TOX: variants seen among roughly 807,000 people sequenced by gnomAD.
TOX encodes the protein thymocyte selection associated high mobility group box, also known as thymocyte selection-associated high mobility group box protein TOX.
Under a neutral mutation model 53.7 loss-of-function variants are expected in TOX, and 11 were observed. The ratio of observed to expected loss-of-function variants is 0.20; its 90% CI spans 0.13 to 0.34. The LOEUF (loss-of-function observed/expected upper bound fraction) is 0.34. Ranked by LOEUF, TOX falls within the 10% of genes least tolerant of loss-of-function variation. The probability of loss-of-function intolerance (pLI) is 1.00; values close to 1 mark genes in which losing one functional copy is unlikely to be tolerated. For synonymous variants in TOX, 225 were observed against 245.3 expected (o/e 0.92, Z 0.77); for missense variants, 570 against 664.6 (o/e 0.86, Z 1.56).
intron 6 of TOX, among the ~76,000 whole-genome samples, chr8:58,822,167 A>G (rs1810292391): frequency 6.6e-6 from 1 of 152,260 alleles, no homozygotes; most frequent in Admixed American, 6.5e-5. Flanking sequence ...AATTAATCTA[A>G]TTTGAAATGG....
chr8:58,814,180 T>C (rs901478526), intron 7 of TOX, among the ~76,000 whole-genome samples: 3 of 152,184 alleles, frequency 2.0e-5, no homozygotes, highest in Admixed American at 6.5e-5. Flanking sequence ...TTGGGGACTA[T>C]GTATATTTGA....
intron 3 of TOX, among the ~76,000 whole-genome samples, chr8:58,890,387 A>G (rs557096391): frequency 1.3e-5 from 2 of 152,320 alleles, no homozygotes; most frequent in South Asian, 4.1e-4. Context: ...AAGGGTCAGT[A>G]GAATGTTAGA....
At chr8:58,998,521 A>AAATTTAT (rs1563413390) in intron 1 of TOX, among the ~76,000 whole-genome samples, 3 of 109,826 alleles carry the variant, frequency 2.7e-5, no homozygotes, top group Non-Finnish European at 3.7e-5. Context: ...ATATATATAT[A>AAATTTAT]TATATATATA....
At chr8:58,984,113 T>C (rs1361612318) in intron 1 of TOX, among the ~76,000 whole-genome samples, 6 of 152,212 alleles carry the variant, frequency 3.9e-5, no homozygotes, top group Non-Finnish European at 1.5e-5. Flanking sequence ...TTGGCAATGA[T>C]TTCTCTGGTG....
chr8:58,953,394 A>T (rs2129177828), intron 2 of TOX, among the ~76,000 whole-genome samples: 1 of 152,344 alleles, frequency 6.6e-6, no homozygotes, highest in Admixed American at 6.5e-5. Context: ...AGAAAACAAC[A>T]TAAACAATAG....
chr8:58,815,524 G>A lies in TOX; in HGVS notation c.1206C>T (p.Asn402=), dbSNP rs765941361. The A allele has an allele frequency of 2.5e-6, 4 of 1,614,096 alleles. No individual in the cohort carries two copies. Among genetic ancestry groups the A allele is most frequent in the South Asian group, 1.1e-5 (1 of 91,068 alleles). Residue 402 remains asparagine (N), a synonymous_variant, in exon 7 of 9, where the codon AAC becomes AAT. Coordinates refer to ENST00000361421, the MANE Select transcript of TOX (RefSeq NM_014729.3). ...CTATAGAGACAGTCACTGGCATTTG[G>A]TTATTCGGCTTGGGGGCTATGTTCC... ...LPRNIAPKPN[N]QMPVTVSIAN...
intron 1 of TOX, among the ~76,000 whole-genome samples, chr8:58,963,694 C>T (rs923081127): frequency 6.6e-6 from 1 of 152,120 alleles, no homozygotes; most frequent in African/African-American, 2.4e-5. Context: ...AGACTCCTCA[C>T]CTCTCCTTAG....
intron 1 of TOX, among the ~76,000 whole-genome samples, chr8:59,072,106 A>G (rs2008398): frequency 0.3 from 45,353 of 152,062 alleles, 11,449 homozygotes; most frequent in African/African-American, 0.69. Flanking sequence ...ATTACACATT[A>G]CAGGTGTTCA....
In TOX at chr8:58,808,187, T is replaced by G; in HGVS notation, c.1475A>C (p.Tyr492Ser). 6.2e-7 allele frequency: 1 copy of G among 1,614,150 alleles called. No individual in the cohort carries two copies. Among genetic ancestry groups the G allele is most frequent in the Non-Finnish European group, 8.5e-7 (1 of 1,179,992 alleles). The change falls in exon 8 of 9, where the codon TAT becomes TCT. Residue 492 changes from tyrosine to serine, a missense_variant. Transcript: ENST00000361421. The part of the protein sequence containing the change: ...AAQVVTQAME[Y>S]VRSGCRNPPP... ...AGGATTTCTGCACCCCGAACGCACA[T>G]ACTCCATTGCCTGGGTGACAACTTG...
At chr8:59,004,570 G>T (rs373445485) in intron 1 of TOX, among the ~76,000 whole-genome samples, 4 of 152,140 alleles carry the variant, frequency 2.6e-5, no homozygotes, top group Non-Finnish European at 5.9e-5. Context: ...GGTTTTATTC[G>T]ATTTAAATTA....
At chr8:58,903,417 T>G (rs940162155) in intron 3 of TOX, among the ~76,000 whole-genome samples, 2 of 152,188 alleles carry the variant, frequency 1.3e-5, no homozygotes, top group Admixed American at 6.5e-5. Context: ...AACTGTGTAA[T>G]TATATCCTAT....
intron 1 of TOX, among the ~76,000 whole-genome samples, chr8:59,000,028 T>A (rs891473130): frequency 2.6e-5 from 4 of 152,170 alleles, no homozygotes; most frequent in Admixed American, 2.6e-4. Flanking sequence ...CACTGGATAT[T>A]TAGTCAAAAT....
rs1311311284 is a variant in TOX at position 58,929,851 on chromosome 8, A to G, written c.411+9451T>C. Among the ~76,000 whole-genome samples the G allele has an allele frequency of 2.0e-5, 3 of 152,282 alleles. No homozygotes were observed. In the East Asian group the frequency reaches 5.8e-4, roughly 29 times the overall value. On this transcript the variant is annotated intron_variant, in intron 3 of 8. Transcript: ENST00000361421. ...TACTTCTGCCCCAAGACTTTGGAAG[A>G]CTAGGCACAAATATACTCCTTTAGA...
chr8:59,095,167 T>C (rs1804693950), intron 1 of TOX, among the ~76,000 whole-genome samples: 1 of 152,218 alleles, frequency 6.6e-6, no homozygotes. Flanking sequence ...AATTATGTAA[T>C]TGAGGTCACT....
At chr8:58,881,483 G>A (rs1276642834) in intron 3 of TOX, among the ~76,000 whole-genome samples, 13 of 152,040 alleles carry the variant, frequency 8.6e-5, no homozygotes, top group Admixed American at 4.6e-4. Context: ...CCAGCACTTC[G>A]TGAGGCTGAG....
intron 1 of TOX, among the ~76,000 whole-genome samples, chr8:59,056,551 G>T (rs1191791409): frequency 2.6e-5 from 4 of 151,502 alleles, no homozygotes; most frequent in African/African-American, 9.7e-5. Context: ...AACTAAAATT[G>T]CCAGGTGCTT....
intron 1 of TOX, among the ~76,000 whole-genome samples, chr8:58,988,973 T>C (rs923604170): frequency 2.6e-5 from 4 of 152,158 alleles, no homozygotes; most frequent in African/African-American, 9.7e-5. Context: ...ATTAATGAAA[T>C]AATAAAATTT....
chr8:59,107,716 C>A (rs937432115), intron 1 of TOX, among the ~76,000 whole-genome samples: 1 of 152,114 alleles, frequency 6.6e-6, no homozygotes, highest in African/African-American at 2.4e-5. Context: ...TGATATTCTG[C>A]CAACAGGCCT....
intron 1 of TOX, among the ~76,000 whole-genome samples, chr8:59,078,324 G>A (rs975712886): frequency 3.3e-5 from 5 of 152,186 alleles, no homozygotes; most frequent in African/African-American, 1.2e-4. Flanking sequence ...ATGATGAATT[G>A]TAATCCCCAG....
Sources: gnomAD v4.1 joint callset for allele counts (sites outside exome capture counted in the v4.1 genomes callset) on GRCh38, gnomAD v4.1.1 for gene constraint, MANE v1.5 for transcripts, NCBI Gene and HGNC (gene_info 2026-07-23, HGNC 2026-07-21) for gene names.